Variants in PDZD9 observed in about 807,000 individuals in gnomAD.
The protein encoded by PDZD9 is PDZ domain-containing protein 9.
Under a neutral mutation model 16.3 loss-of-function variants are expected in PDZD9, and 13 were observed. That is an observed-to-expected ratio of 0.80 (90% confidence interval 0.52 to 1.27). The LOEUF is 1.27. PDZD9 is among the 50% of genes most tolerant of loss of function. The pLI is 0.00. For synonymous variants in PDZD9, 120 were observed against 111.0 expected, an observed-to-expected ratio of 1.08 and a Z score of -0.51; for missense variants, 288 against 310.9, an observed-to-expected ratio of 0.93 and a Z score of 0.55.
the PDZD9 span, chr16:21,976,873 A>G: frequency 2.6e-5 from 4 of 152,310 alleles, no homozygotes; most frequent in Admixed American, 6.5e-5. Context: ...AATTACTAAA[A>G]ATTTAAACAA....
intron 2 of PDZD9, among the ~76,000 whole-genome samples, chr16:21,995,747 GC>G (rs1472184031): frequency 6.6e-6 from 1 of 151,980 alleles, no homozygotes; most frequent in Non-Finnish European, 1.5e-5. Flanking sequence ...ACAGGCGCCC[GC>G]CACTAGGCCC....
the PDZD9 span, among the ~76,000 whole-genome samples, chr16:21,973,399 C>T: frequency 6.6e-6 from 1 of 152,110 alleles, no homozygotes; most frequent in Non-Finnish European, 1.5e-5. Context: ...ATAACAATAT[C>T]CCTGTTATTC....
chr16:22,000,959 A>T, intron 1 of PDZD9, 58 bp downstream of exon 1: 1 of 1,503,614 alleles, frequency 6.7e-7, no homozygotes, highest in Admixed American at 2.0e-5. Flanking sequence ...CAGAGGAGGA[A>T]CATTGACGAA....
chr16:21,994,229 G>T (rs780605508), intron 2 of PDZD9, among the ~76,000 whole-genome samples: 1 of 152,042 alleles, frequency 6.6e-6, no homozygotes, highest in Non-Finnish European at 1.5e-5. Flanking sequence ...TCAAATCTGC[G>T]CAACCTCTGA....
At chr16:21,971,434 A>T in the PDZD9 span, 6 of 1,066,232 alleles carry the variant, frequency 5.6e-6, no homozygotes, top group Non-Finnish European at 2.8e-6. Flanking sequence ...TTAGGATTTT[A>T]CAATCGTATT....
At chr16:21,974,027 C>A in the PDZD9 span, 5 of 1,471,194 alleles carry the variant, frequency 3.4e-6, no homozygotes, top group Non-Finnish European at 4.6e-6. Context: ...ATTTCTCCCC[C>A]CCGCCATAAA....
intron 3 of PDZD9, among the ~76,000 whole-genome samples, chr16:21,988,094 G>A (rs1022288877): frequency 1.5e-5 from 2 of 134,176 alleles, no homozygotes; most frequent in East Asian, 4.4e-4. Context: ...TGCAACCTCC[G>A]ACTCCCTGAT....
the PDZD9 span, among the ~76,000 whole-genome samples, chr16:21,961,119 C>T: frequency 6.6e-6 from 1 of 152,180 alleles, no homozygotes; most frequent in African/African-American, 2.4e-5. Context: ...TGAGCCACTG[C>T]ACCCAGCCCA....
chr16:21,972,381 G>A, the PDZD9 span, among the ~76,000 whole-genome samples: 649 of 152,246 alleles, frequency 4.3e-3, 3 homozygotes, highest in Non-Finnish European at 7.9e-3. Context: ...CCACACATCC[G>A]TTCCCTTTAG....
the PDZD9 span, chr16:21,976,424 C>T: frequency 1.9e-6 from 1 of 520,730 alleles, no homozygotes; most frequent in Non-Finnish European, 3.3e-6. Context: ...TGGCCAGGCA[C>T]AGTGGCTCAC....
downstream of PDZD9, chr16:21,983,356 CT>C: frequency 1.9e-6 from 1 of 538,584 alleles, no homozygotes; most frequent in Non-Finnish European, 3.2e-6. Context: ...AAGTGTTTTT[CT>C]TACGTTTTTC....
At chr16:21,962,294 A>G in the PDZD9 span, 12 of 745,954 alleles carry the variant, frequency 1.6e-5, no homozygotes, top group Admixed American at 3.2e-4. Context: ...TTTTTAAAAA[A>G]ATTTTGAATT....
chr16:22,000,988 T>C lies in PDZD9; in HGVS notation c.31+29A>G, dbSNP rs1369340219. ...TGACGAAGGCTTGGTCCCCAGGGCT[T>C]CTTCACCCGCTTCCTTCTCCCCAGT... is the stretch of plus-strand genomic sequence containing the variant. On this transcript the variant is annotated intron_variant, in intron 1 of 3. Coordinates refer to ENST00000424898, the MANE Select transcript of PDZD9 (RefSeq NM_001363519.1). 5 of 1,532,426 alleles carry C rather than the reference T, an allele frequency of 3.3e-6. No homozygotes were observed. In the African/African-American group the frequency reaches 5.5e-5, roughly 17 times the overall value. 94.9% of individuals were successfully genotyped at this position (1,532,426 alleles called of 1,614,324 possible).
downstream of PDZD9, among the ~76,000 whole-genome samples, chr16:21,980,965 G>A (rs1898710763): frequency 6.6e-6 from 1 of 152,092 alleles, no homozygotes; most frequent in South Asian, 2.1e-4. Flanking sequence ...CCACTGAGAT[G>A]GCAGTCAAAA....
rs1288763196 is a variant in PDZD9, at chr16:21,984,548, C to G, written c.514G>C (p.Val172Leu). ...ATTGGTCTCCTTGCAGGGTGATGCA[C>G]AGTTGACCACGGATATCTATAATAT... ...LQYYRYPWST[V>L]HHPARRPISI... The change falls in exon 4 of 4, where the codon GTG (valine) becomes CTG (leucine). Residue 172 changes from valine to leucine, a missense_variant. By Grantham distance (32) the Val-to-Leu change is conservative. Coordinates refer to ENST00000424898, the MANE Select transcript of PDZD9 (RefSeq NM_001363519.1). 4 of 1,596,372 alleles carry G rather than the reference C, an allele frequency of 2.5e-6. No individual in the cohort carries two copies. In the South Asian group the frequency reaches 3.3e-5, roughly 13 times the overall value.
intron 2 of PDZD9, among the ~76,000 whole-genome samples, chr16:21,992,460 A>T (rs1899046351): frequency 6.6e-6 from 1 of 152,188 alleles, no homozygotes; most frequent in South Asian, 2.1e-4. Context: ...AAAGATTAAC[A>T]TTTGAGTCAA....
chr16:21,998,583 T>C (rs778575656), intron 1 of PDZD9, among the ~76,000 whole-genome samples: 7 of 151,458 alleles, frequency 4.6e-5, no homozygotes, highest in Non-Finnish European at 1.0e-4. Flanking sequence ...TCCCAGCTAC[T>C]TGGGAGGCTG....
downstream of PDZD9, chr16:21,980,620 G>C (rs1271304330): frequency 6.2e-7 from 1 of 1,614,014 alleles, no homozygotes; most frequent in East Asian, 2.2e-5. Flanking sequence ...CGGGTCCCAG[G>C]CTCTAGTTGC....
chr16:21,993,450 C>T (rs544102384), intron 2 of PDZD9, among the ~76,000 whole-genome samples: 103 of 152,312 alleles, frequency 6.8e-4, no homozygotes, highest in South Asian at 6.4e-3. Flanking sequence ...TTATTCTCCA[C>T]CACCAAGTAG....
Sources: gnomAD v4.1 joint callset for allele counts (sites outside exome capture counted in the v4.1 genomes callset) on GRCh38, gnomAD v4.1.1 for gene constraint, MANE v1.5 for transcripts, NCBI Gene and HGNC (gene_info 2026-07-23, HGNC 2026-07-21) for gene names.